KPNA6: variants seen among roughly 807,000 people sequenced by gnomAD.
KPNA6 encodes importin subunit alpha-7.
In KPNA6, 9 loss-of-function variants were observed where a neutral mutation model predicts 72.0. The ratio of observed to expected loss-of-function variants is 0.13; its 90% CI spans 0.08 to 0.22. KPNA6 has a LOEUF of 0.22. KPNA6 is among the 10% of genes least tolerant of loss of function. The pLI is 1.00. For synonymous variants in KPNA6, 219 were observed against 242.1 expected (o/e 0.90, Z 0.89); for missense variants, 374 against 655.7 (o/e 0.57, Z 4.69).
intron 1 of KPNA6, among the ~76,000 whole-genome samples, chr1:32,132,962 T>A (rs1163096797): frequency 1.3e-5 from 2 of 152,016 alleles, no homozygotes; most frequent in African/African-American, 4.8e-5. Flanking sequence ...CTCAAACTCC[T>A]GGGCTCCGGT....
intron 2 of KPNA6, among the ~76,000 whole-genome samples, chr1:32,155,876 C>T (rs967737203): frequency 5.4e-5 from 8 of 148,290 alleles, no homozygotes; most frequent in Admixed American, 4.7e-4. Context: ...CATAGCTGGA[C>T]TATAGGCATG....
intron 1 of KPNA6, among the ~76,000 whole-genome samples, chr1:32,124,198 C>T (rs980588319): frequency 1.3e-5 from 2 of 151,864 alleles, no homozygotes; most frequent in Non-Finnish European, 2.9e-5. Flanking sequence ...CATGATCAAA[C>T]CCCGTGTCTA....
chr1:32,129,349 A>G (rs1217344213), intron 1 of KPNA6, among the ~76,000 whole-genome samples: 1 of 150,904 alleles, frequency 6.6e-6, no homozygotes, highest in African/African-American at 2.4e-5. Flanking sequence ...TTTTTTTAGT[A>G]GGGGTGGGGT....
chr1:32,127,131 C>G (rs376051153), intron 1 of KPNA6, among the ~76,000 whole-genome samples: 1 of 152,120 alleles, frequency 6.6e-6, no homozygotes, highest in Admixed American at 6.6e-5. Flanking sequence ...CGAAGACTTG[C>G]GCCATGAGAA....
At position 32,154,717 on chromosome 1, in the gene KPNA6, A is replaced by G. The variant is rs1365330198; in HGVS notation, c.134A>G (p.Gln45Arg). Residue 45 changes from glutamine to arginine, a missense_variant, in exon 2 of 14, where the codon CAA (glutamine) becomes CGA (arginine). Physicochemically the swap from Gln to Arg is conservative, Grantham distance 43. This residue lies in a region of KPNA6 where 298 missense variants were observed against 495.4 expected (regional missense o/e 0.60). Coordinates refer to ENST00000373625, the MANE Select transcript of KPNA6 (RefSeq NM_012316.5). ...GIQLRKQKRE[Q>R]QLFKRRNVEL... ...CAGCTCCGGAAGCAGAAGCGAGAGC[A>G]ACAAGTGAGTTAATGGGAGTATTCT... The G allele has an allele frequency of 6.2e-7, 1 of 1,614,052 alleles. No homozygotes were observed. Among genetic ancestry groups the G allele is most frequent in the Non-Finnish European group, 8.5e-7 (1 of 1,179,978 alleles).
At chr1:32,161,591 C>A (rs1295999551) in intron 7 of KPNA6, among the ~76,000 whole-genome samples, 2 of 152,176 alleles carry the variant, frequency 1.3e-5, no homozygotes, top group African/African-American at 4.8e-5. Flanking sequence ...GCTTTTATTT[C>A]TTAGACTTTT....
Position 32,141,375 on chromosome 1 carries a change from C to CTTTTTTTTTTTTTTTTTTTTTTT in KPNA6, c.5-13195_5-13173dup, listed in dbSNP as rs71006334. ...AGGGCTTTTTTTTTTTAAGTTAATCCTTTTTTTTTTTTTTTTTTTTTTTTT... is the reference window on the plus strand; with the variant it reads ...AGGGCTTTTTTTTTTTAAGTTAATCCTTTTTTTTTTTTTTTTTTTTTTTTTTTTTTTTTTTTTTTTTTTTTTTT... On this transcript the variant is annotated intron_variant, in intron 1 of 13. Coordinates refer to ENST00000373625, the MANE Select transcript of KPNA6 (RefSeq NM_012316.5). Among the ~76,000 whole-genome samples, 15 of 54,478 alleles carry CTTTTTTTTTTTTTTTTTTTTTTT rather than the reference C, an allele frequency of 2.8e-4. 5 individuals carry two copies. Among genetic ancestry groups the CTTTTTTTTTTTTTTTTTTTTTTT allele is most frequent in the Non-Finnish European group, 4.8e-4 (12 of 25,166 alleles). The allele number at this position is 54,478 out of a possible 152,430, so 35.7% of individuals were successfully genotyped here. A position where few individuals can be genotyped will look rare whatever the true frequency, so the allele number is the denominator to read the frequency against.
intron 1 of KPNA6, among the ~76,000 whole-genome samples, chr1:32,147,650 C>CTTTTTTTTT (rs915571659): frequency 1.2e-5 from 1 of 81,868 alleles, no homozygotes. Flanking sequence ...GATTTCTTTT[C>CTTTTTTTTT]TTTTTTTTTT....
intron 1 of KPNA6, among the ~76,000 whole-genome samples, chr1:32,134,937 G>C (rs961098468): frequency 7.1e-6 from 1 of 140,296 alleles, no homozygotes; most frequent in African/African-American, 2.7e-5. Context: ...ATGGAGTCTT[G>C]CTCTATTGCC....
At chr1:32,117,415 A>G (rs192776005) in intron 1 of KPNA6, among the ~76,000 whole-genome samples, 3,941 of 149,414 alleles carry the variant, frequency 0.026, 174 homozygotes, top group African/African-American at 0.091. Flanking sequence ...CTTGTGATCC[A>G]CCCGCCTCGG....
intron 1 of KPNA6, among the ~76,000 whole-genome samples, chr1:32,128,532 A>G (rs1641582483): frequency 6.7e-6 from 1 of 149,448 alleles, no homozygotes; most frequent in Admixed American, 6.7e-5. Context: ...AGTGGCCTTT[A>G]GCTAAACCAC....
In KPNA6 at chr1:32,114,472, A is replaced by T. The variant is rs566825670; in HGVS notation, c.4+6338A>T. On this transcript the variant is annotated intron_variant, in intron 1 of 13. Coordinates refer to ENST00000373625, the MANE Select transcript of KPNA6 (RefSeq NM_012316.5). ...AAAAAATATATATATATATATATAT[A>T]TTCAGTAAATCAAGCTGTAAACAGA... Among the ~76,000 whole-genome samples the T allele has an allele frequency of 1.1e-4, 17 of 150,676 alleles. No individual in the cohort carries two copies. The East Asian group carries it at 1.6e-3, about 14-fold the overall frequency.
intron 1 of KPNA6, among the ~76,000 whole-genome samples, chr1:32,122,486 A>G (rs1473409613): frequency 2.0e-5 from 3 of 152,090 alleles, no homozygotes; most frequent in African/African-American, 7.2e-5. Context: ...AAGTAAGCTA[A>G]GAAATGAGAG....
In KPNA6 at chr1:32,173,210, A is replaced by G. The variant is rs1642469642; in HGVS notation, c.*2316A>G. The G allele has an allele frequency of 5.1e-6, 2 of 390,208 alleles. No homozygotes were observed. Among genetic ancestry groups the G allele is most frequent in the African/African-American group, 2.1e-5 (1 of 47,234 alleles). The allele number at this position is 390,208 out of a possible 1,614,324, so 24.2% of individuals were successfully genotyped here. A position where few individuals can be genotyped will look rare whatever the true frequency, so the allele number is the denominator to read the frequency against. ...AAAAAAAAAAGCCTTCCCCTACCCAACCTCCGCCCATTGTTCTCTTCCAAA... is the reference window on the plus strand; with the variant it reads ...AAAAAAAAAAGCCTTCCCCTACCCAGCCTCCGCCCATTGTTCTCTTCCAAA... On this transcript the variant is annotated 3_prime_UTR_variant, in exon 14 of 14. Coordinates refer to ENST00000373625, the MANE Select transcript of KPNA6 (RefSeq NM_012316.5).
At chr1:32,126,474 TC>T (rs1245017981) in intron 1 of KPNA6, among the ~76,000 whole-genome samples, 1 of 152,138 alleles carries the variant, frequency 6.6e-6, no homozygotes, top group Non-Finnish European at 1.5e-5. Context: ...AACCTCTGCC[TC>T]CTGGGTTCAA....
At chr1:32,108,627 C>T (rs904300626) in intron 1 of KPNA6, among the ~76,000 whole-genome samples, 9 of 152,364 alleles carry the variant, frequency 5.9e-5, no homozygotes, top group African/African-American at 2.2e-4. Flanking sequence ...CGAGCCAGCA[C>T]TAGGCCGGTA....
intron 4 of KPNA6, 82 bp downstream of exon 4, chr1:32,157,527 C>A: frequency 1.0e-6 from 1 of 978,336 alleles, no homozygotes; most frequent in Non-Finnish European, 1.6e-6. Flanking sequence ...CTTACACGTG[C>A]CCTCACTCAT....
intron 1 of KPNA6, among the ~76,000 whole-genome samples, chr1:32,110,691 G>A (rs1050337984): frequency 1.1e-4 from 16 of 152,246 alleles, no homozygotes; most frequent in African/African-American, 3.6e-4. Flanking sequence ...GAGGTCAGGA[G>A]GACGACACCA....
intron 1 of KPNA6, among the ~76,000 whole-genome samples, chr1:32,141,218 A>G (rs976928224): frequency 3.3e-5 from 5 of 151,960 alleles, no homozygotes; most frequent in South Asian, 2.1e-4. Context: ...TCAACAGTCA[A>G]TTGGCCTGAG....
Sources: gnomAD v4.1 joint callset for allele counts (sites outside exome capture counted in the v4.1 genomes callset) on GRCh38, gnomAD v4.1.1 for gene constraint, gnomAD v4.1.1 regional missense constraint, MANE v1.5 for transcripts, NCBI Gene and HGNC (gene_info 2026-07-23, HGNC 2026-07-21) for gene names.